PHKB: variants seen among roughly 807,000 people sequenced by gnomAD.
The protein encoded by PHKB is phosphorylase b kinase regulatory subunit beta.
In PHKB, 122 loss-of-function variants were observed where a neutral mutation model predicts 152.1. The ratio of observed to expected loss-of-function variants is 0.80; its 90% confidence interval spans 0.69 to 0.93. PHKB has a LOEUF of 0.93. Among genes scored for constraint, PHKB ranks in the 40% least tolerant of loss-of-function variants. The probability of loss-of-function intolerance (pLI) is 0.00; values close to 1 mark genes in which losing one functional copy is unlikely to be tolerated. For synonymous variants in PHKB, 436 were observed against 464.9 expected (o/e 0.94, Z 0.80); for missense variants, 1,304 against 1,328.4 (o/e 0.98, Z 0.29).
At chr16:47,573,352 A>C (rs1240460130) in intron 7 of PHKB, among the ~76,000 whole-genome samples, 1 of 151,988 alleles carries the variant, frequency 6.6e-6, no homozygotes, top group East Asian at 1.9e-4. Flanking sequence ...GCAAGTCCTC[A>C]CTCTGGCTCA....
intron 1 of PHKB, among the ~76,000 whole-genome samples, chr16:47,494,425 A>G (rs1198896472): frequency 3.3e-5 from 5 of 152,338 alleles, no homozygotes; most frequent in East Asian, 1.9e-4. Context: ...TTGTATCACA[A>G]ATTCCAGGAA....
intron 1 of PHKB, among the ~76,000 whole-genome samples, chr16:47,496,425 T>C (rs1970233825): frequency 6.6e-6 from 1 of 152,044 alleles, no homozygotes; most frequent in Non-Finnish European, 1.5e-5. Flanking sequence ...GACATAGCAA[T>C]TTTATGAGTA....
intron 1 of PHKB, among the ~76,000 whole-genome samples, chr16:47,491,040 C>T (rs972716500): frequency 5.3e-5 from 8 of 152,212 alleles, no homozygotes; most frequent in Non-Finnish European, 8.8e-5. Flanking sequence ...TGTTCTTATA[C>T]ACCTAGCATG....
At chr16:47,579,476 T>C (rs1971806262) in intron 7 of PHKB, among the ~76,000 whole-genome samples, 1 of 152,204 alleles carries the variant, frequency 6.6e-6, no homozygotes, top group Admixed American at 6.5e-5. Flanking sequence ...GATAATCTGT[T>C]TCAGAGAAAT....
chr16:47,554,839 G>A (rs1971340535), intron 7 of PHKB, among the ~76,000 whole-genome samples: 1 of 152,136 alleles, frequency 6.6e-6, no homozygotes, highest in Non-Finnish European at 1.5e-5. Flanking sequence ...GCTCTCTGTG[G>A]GCTGCACCCA....
Position 47,696,841 on chromosome 16 carries a change from T to G in PHKB, c.3003+353T>G, listed in dbSNP as rs539164736. On this transcript the variant is annotated intron_variant, in intron 29 of 30. Transcript: ENST00000323584. ...AAGTGACCTTTTTCTATTCACTTTC[T>G]TTTCTATTCACAGAAATAAGCACAA... Among the ~76,000 whole-genome samples the G allele has an allele frequency of 9.2e-5, 14 of 152,346 alleles. 1 individual carries two copies. Among genetic ancestry groups the G allele is most frequent in the South Asian group, 4.1e-4 (2 of 4,824 alleles).
At position 47,511,734 on chromosome 16, in the gene PHKB, G is replaced by C; in HGVS notation, c.475G>C (p.Asp159His). ...LHSVFNVHTG[D>H]ELLSYEEYGH... is the part of the protein sequence containing the mutation. ...CTCTGTTTTCAATGTGCATACAGGA[G>C]ATGAGTTGCTTTCCTATGAGGAATA... Residue 159 changes from aspartate to histidine, a missense_variant, in exon 5 of 31, where the codon GAT (aspartate) becomes CAT (histidine). By Grantham distance (81) the Asp-to-His change is moderately conservative (BLOSUM62 -1). Transcript: ENST00000323584. 6.2e-7 allele frequency: 1 copy of C among 1,611,324 alleles called. No individual in the cohort carries two copies. Among genetic ancestry groups the C allele is most frequent in the Non-Finnish European group, 8.5e-7 (1 of 1,177,458 alleles).
intron 6 of PHKB, among the ~76,000 whole-genome samples, chr16:47,518,371 C>T (rs186933976): frequency 6.6e-6 from 1 of 152,096 alleles, no homozygotes; most frequent in African/African-American, 2.4e-5. Flanking sequence ...GCTCATCATA[C>T]CTTTACTGGT....
At chr16:47,520,808 G>A (rs985411305) in intron 6 of PHKB, among the ~76,000 whole-genome samples, 8 of 152,284 alleles carry the variant, frequency 5.3e-5, no homozygotes, top group Admixed American at 5.2e-4. Flanking sequence ...CAGAGAATGT[G>A]TTGTGTTTTC....
chr16:47,569,301 T>C (rs1430661861), intron 7 of PHKB, among the ~76,000 whole-genome samples: 1 of 152,228 alleles, frequency 6.6e-6, no homozygotes, highest in African/African-American at 2.4e-5. Context: ...AAGTCTGTTT[T>C]TTCTCATATA....
chr16:47,611,068 G>A, intron 14 of PHKB, 148 bp downstream of exon 14: 1 of 683,896 alleles, frequency 1.5e-6, no homozygotes. Context: ...TTTACTTGTG[G>A]TGAAGGGCTA....
chr16:47,658,808 C>CTG (rs1567344658), intron 20 of PHKB, among the ~76,000 whole-genome samples: 3 of 91,390 alleles, frequency 3.3e-5, no homozygotes, highest in Admixed American at 2.3e-4. Context: ...CAATGCATGA[C>CTG]AGTGTGTGTG....
At chr16:47,606,428 G>A (rs1201800619) in intron 13 of PHKB, among the ~76,000 whole-genome samples, 2 of 152,148 alleles carry the variant, frequency 1.3e-5, no homozygotes, top group Non-Finnish European at 2.9e-5. Context: ...ACAAAACTCA[G>A]CATAGTATTG....
rs951670374 is a variant in PHKB at position 47,700,373 on chromosome 16, GA to G, written c.*1014del. On this transcript the variant is annotated 3_prime_UTR_variant, in exon 31 of 31. Transcript: ENST00000323584. ...CAAAAAAAAAAAAAAAAAAGAAAAA[GA>G]AAAAAATATGTTAAATTTAAGGACT... 6.9e-6 allele frequency: 1 copy of G among 145,814 alleles called. No homozygotes were observed. Among genetic ancestry groups the G allele is most frequent in the Non-Finnish European group, 1.5e-5 (1 of 65,890 alleles). 9.0% of individuals were successfully genotyped at this position (145,814 alleles called of 1,614,324 possible). A position where few individuals can be genotyped will look rare whatever the true frequency, so the allele number is the denominator to read the frequency against.
intron 24 of PHKB, 35 bp from the exon 25 acceptor site, chr16:47,664,849 AT>A: frequency 7.3e-7 from 1 of 1,367,416 alleles, no homozygotes; most frequent in Non-Finnish European, 1.0e-6. Flanking sequence ...TATTTACTCT[AT>A]TTTCCCTTTT....
chr16:47,599,076 T>C, intron 13 of PHKB: 1 of 583,898 alleles, frequency 1.7e-6, no homozygotes. Context: ...AGGTTATCTC[T>C]GGTTAGAATG....
rs984501995 is a variant in PHKB at position 47,594,063 on chromosome 16, A to AT, written c.1127-68dup. 1.0e-5 allele frequency: 8 copies of AT among 768,872 alleles called. 1 individual carries two copies. The highest frequency in any genetic ancestry group is 1.0e-4 in the Admixed American group (5 of 48,788). 47.6% of individuals were successfully genotyped at this position (768,872 alleles called of 1,614,324 possible). On this transcript the variant is annotated intron_variant, in intron 11 of 30. Coordinates refer to ENST00000323584, the MANE Select transcript of PHKB (RefSeq NM_000293.3). ...AAAATAATTGTAACTGGGCTAATAT[A>AT]TTTTTTCTAAGGTAAAATTTTTGAG... is the stretch of plus-strand genomic sequence containing the variant.
intron 8 of PHKB, among the ~76,000 whole-genome samples, chr16:47,583,776 G>A (rs974520136): frequency 1.2e-4 from 18 of 152,126 alleles, no homozygotes; most frequent in African/African-American, 3.9e-4. Context: ...AATTTCAGCT[G>A]TTGGACACTT....
Position 47,509,619 on chromosome 16 carries a change from TATTTA to T in PHKB, c.406-2038_406-2034del, listed in dbSNP as rs544956802. Among the ~76,000 whole-genome samples, 47 of 152,204 alleles carry T rather than the reference TATTTA, an allele frequency of 3.1e-4. 1 individual carries two copies. The highest frequency in any genetic ancestry group is 1.8e-4 in the Non-Finnish European group (12 of 68,032). Reference sequence around the variant, plus strand: ...ATTGTGACTGAAGAGCTTAATTTTTTATTTAATTTAATATAATTAATTGTAATTTA... The same window carrying T: ...ATTGTGACTGAAGAGCTTAATTTTTTATTTAATATAATTAATTGTAATTTA... On this transcript the variant is annotated intron_variant, in intron 4 of 30. Coordinates refer to ENST00000323584, the MANE Select transcript of PHKB (RefSeq NM_000293.3).
Sources: gnomAD v4.1 joint callset for allele counts (sites outside exome capture counted in the v4.1 genomes callset) on GRCh38, gnomAD v4.1.1 for gene constraint, MANE v1.5 for transcripts, NCBI Gene and HGNC (gene_info 2026-07-23, HGNC 2026-07-21) for gene names.